SCFD2: variants seen among roughly 807,000 people sequenced by gnomAD.
SCFD2 encodes the protein sec1 family domain-containing protein 2.
SCFD2 carries 54 observed loss-of-function variants against 58.9 expected under a neutral mutation model. That is an observed-to-expected ratio of 0.92 (90% CI 0.74 to 1.15). The LOEUF (loss-of-function observed/expected upper bound fraction) is 1.15. Among genes scored for constraint, SCFD2 ranks in the 50% most tolerant of loss-of-function variants. The pLI, the probability that SCFD2 is intolerant of heterozygous loss-of-function variation, is 0.00. For synonymous variants in SCFD2, 321 were observed against 335.9 expected (o/e 0.96, Z 0.49); for missense variants, 805 against 836.6 (o/e 0.96, Z 0.47).
At chr4:53,066,009 G>A (rs1723652907) in intron 5 of SCFD2, among the ~76,000 whole-genome samples, 1 of 152,038 alleles carries the variant, frequency 6.6e-6, no homozygotes, top group African/African-American at 2.4e-5. Context: ...TGAACTTGTG[G>A]CAAGACCAGA....
At chr4:53,219,996 G>A (rs76909757) in intron 4 of SCFD2, among the ~76,000 whole-genome samples, 6 of 152,212 alleles carry the variant, frequency 3.9e-5, no homozygotes, top group Admixed American at 2.6e-4. Flanking sequence ...TTGGGTAGTG[G>A]AGGTGTTTTT....
intron 3 of SCFD2, among the ~76,000 whole-genome samples, chr4:53,308,798 T>C (rs1447910698): frequency 1.3e-5 from 2 of 151,870 alleles, no homozygotes; most frequent in Non-Finnish European, 1.5e-5. Flanking sequence ...GTGGCATTGG[T>C]GGAAAACAAA....
rs147079371 is a variant in SCFD2 at position 53,273,890 on chromosome 4, G to C, written c.1247C>G (p.Thr416Arg). 70 of 1,613,778 alleles carry C rather than the reference G, an allele frequency of 4.3e-5. No homozygotes were observed. Among genetic ancestry groups the C allele is most frequent in the Non-Finnish European group, 8.5e-6 (10 of 1,179,896 alleles). ...CTTGGCAGTCTGTGGGTGTTTCAAC[G>C]TTTGAGCTGTGGCCAGTCCAAGCTG... ...LLQLGLATAQ[T>R]LKHPQTAKWD... The change falls in exon 4 of 9, where the codon ACG becomes AGG. Residue 416 changes from threonine (T) to arginine (R), a missense_variant. Physicochemically the swap from Thr to Arg is moderately conservative, Grantham distance 71. This residue lies in a region of SCFD2 where 633 missense variants were observed against 646.8 expected (regional missense o/e 0.98). Coordinates refer to ENST00000401642, the MANE Select transcript of SCFD2 (RefSeq NM_152540.4).
intron 4 of SCFD2, among the ~76,000 whole-genome samples, chr4:53,226,968 T>G (rs1366096964): frequency 6.6e-6 from 1 of 152,236 alleles, no homozygotes; most frequent in Non-Finnish European, 1.5e-5. Context: ...AAGGTATCCC[T>G]AATGAGGTGC....
rs537253800 is a variant in SCFD2 at position 53,120,775 on chromosome 4, G to C, written c.1561+24558C>G. ...ACCAAAGTTTAATGTCCCCCAGAAGGGTGTTGGTATAACATGGCCAAGGTA... is the reference window on the plus strand; with the variant it reads ...ACCAAAGTTTAATGTCCCCCAGAAGCGTGTTGGTATAACATGGCCAAGGTA... On this transcript the variant is annotated intron_variant, in intron 5 of 8. Coordinates refer to ENST00000401642, the MANE Select transcript of SCFD2 (RefSeq NM_152540.4). 2.1e-3 allele frequency among the ~76,000 whole-genome samples: 326 copies of C among 152,074 alleles called. 1 individual carries two copies. The highest frequency in any genetic ancestry group is 7.2e-3 in the African/African-American group (299 of 41,492).
intron 4 of SCFD2, among the ~76,000 whole-genome samples, chr4:53,223,267 T>C (rs1190069495): frequency 6.6e-6 from 1 of 152,252 alleles, no homozygotes; most frequent in Non-Finnish European, 1.5e-5. Context: ...ATATAATTCA[T>C]GTTGAGGTTT....
intron 4 of SCFD2, among the ~76,000 whole-genome samples, chr4:53,180,115 A>C (rs989055078): frequency 1.4e-4 from 21 of 152,318 alleles, no homozygotes; most frequent in African/African-American, 4.3e-4. Flanking sequence ...TAACAAGGAT[A>C]CCCAGGAATT....
intron 4 of SCFD2, among the ~76,000 whole-genome samples, chr4:53,180,930 T>C (rs1727529971): frequency 6.6e-6 from 1 of 152,098 alleles, no homozygotes; most frequent in South Asian, 2.1e-4. Context: ...CCTCGACAAA[T>C]ACATGCTCCC....
At chr4:53,177,849 G>A (rs1727392244) in intron 4 of SCFD2, among the ~76,000 whole-genome samples, 1 of 152,216 alleles carries the variant, frequency 6.6e-6, no homozygotes, top group Non-Finnish European at 1.5e-5. Context: ...CACACCAGGA[G>A]ATTATATCCT....
chr4:53,015,725 C>T (rs1722197115), intron 5 of SCFD2, among the ~76,000 whole-genome samples: 1 of 152,012 alleles, frequency 6.6e-6, no homozygotes, highest in South Asian at 2.1e-4. Context: ...TATATTCTAC[C>T]TTTAAAACTG....
chr4:53,281,788 C>G (rs954435415), intron 3 of SCFD2, among the ~76,000 whole-genome samples: 1 of 152,200 alleles, frequency 6.6e-6, no homozygotes, highest in Non-Finnish European at 1.5e-5. Flanking sequence ...TTTTGTTCTG[C>G]AGCTAAGCAA....
Position 53,278,067 on chromosome 4 carries a change from A to AC in SCFD2, c.1136-4067_1136-4066insG, listed in dbSNP as rs199905061. Among the ~76,000 whole-genome samples the AC allele has an allele frequency of 4.8e-4, 67 of 138,846 alleles. No individual in the cohort carries two copies. In the South Asian group the frequency reaches 6.8e-3, roughly 14 times the overall value. The allele number at this position is 138,846 out of a possible 152,430, so 91.1% of individuals were successfully genotyped here. A position where few individuals can be genotyped will look rare whatever the true frequency, so the allele number is the denominator to read the frequency against. On this transcript the variant is annotated intron_variant, in intron 3 of 8. Transcript: ENST00000401642. ...ACTCCGTCTCAAAACAAAAAACAAA[A>AC]AAAAAAAAAACAGTCCTCGCCAGGC...
intron 4 of SCFD2, among the ~76,000 whole-genome samples, chr4:53,202,358 G>A (rs964540565): frequency 3.3e-5 from 5 of 151,902 alleles, no homozygotes; most frequent in African/African-American, 4.8e-5. Flanking sequence ...TTATTTCTGA[G>A]GGCTCTGTTC....
chr4:53,294,418 T>C (rs1019583355), intron 3 of SCFD2, among the ~76,000 whole-genome samples: 1 of 152,052 alleles, frequency 6.6e-6, no homozygotes, highest in African/African-American at 2.4e-5. Context: ...TTTTTCATGT[T>C]CGTTGGCTGC....
intron 5 of SCFD2, among the ~76,000 whole-genome samples, chr4:52,986,598 A>T (rs1721500431): frequency 7.0e-6 from 1 of 142,044 alleles, no homozygotes; most frequent in Non-Finnish European, 1.5e-5. Context: ...TCCCGGGTTC[A>T]CGCCATTCTC....
intron 1 of SCFD2, among the ~76,000 whole-genome samples, chr4:53,357,248 C>T (rs1312647196): frequency 6.6e-6 from 1 of 151,562 alleles, no homozygotes; most frequent in Non-Finnish European, 1.5e-5. Context: ...ATGGTAAAGC[C>T]CCATCTCTAC....
chr4:53,228,870 C>T (rs1403774479), intron 4 of SCFD2, among the ~76,000 whole-genome samples: 1 of 152,124 alleles, frequency 6.6e-6, no homozygotes, highest in Non-Finnish European at 1.5e-5. Flanking sequence ...ATCTAGAAAA[C>T]CCATCATCTC....
intron 5 of SCFD2, among the ~76,000 whole-genome samples, chr4:52,936,952 C>T (rs191258222): frequency 5.3e-5 from 8 of 152,254 alleles, no homozygotes; most frequent in African/African-American, 1.4e-4. Context: ...TGCTGACTAC[C>T]GCTAGGCACT....
chr4:53,127,357 T>C (rs1481079713), intron 5 of SCFD2, among the ~76,000 whole-genome samples: 6 of 152,334 alleles, frequency 3.9e-5, no homozygotes, highest in Middle Eastern at 6.8e-3. Context: ...TCAGCTTCTT[T>C]CTTATTCCTT....
Sources: allele counts gnomAD v4.1 joint callset (sites outside exome capture counted in the v4.1 genomes callset), GRCh38; gene constraint gnomAD v4.1.1; regional missense constraint gnomAD v4.1.1; transcripts MANE v1.5; gene names NCBI Gene and HGNC (gene_info 2026-07-23, HGNC 2026-07-21).